The following KLF12 variants were observed in gnomAD, a reference collection of about 807,000 sequenced individuals.
KLF12 encodes Krueppel-like factor 12.
KLF12 carries 9 observed loss-of-function variants against 37.8 expected under a neutral mutation model. The observed-to-expected ratio is 0.24, with a 90% CI of 0.14 to 0.42. The LOEUF is 0.42. KLF12 is among the 10% of genes least tolerant of loss of function. The pLI is 1.00. For missense variants in KLF12, 411 were observed against 516.0 expected (o/e 0.80, Z 1.97); for synonymous variants, 208 against 202.1 (o/e 1.03, Z -0.25).
intron 3 of KLF12, among the ~76,000 whole-genome samples, chr13:73,851,430 C>CT (rs1000384561): frequency 6.6e-6 from 1 of 151,992 alleles, no homozygotes; most frequent in East Asian, 1.9e-4. Flanking sequence ...TCATTTGATA[C>CT]TTTTTTTTCC....
intron 1 of KLF12, among the ~76,000 whole-genome samples, chr13:74,021,705 T>C (rs1402263399): frequency 2.0e-5 from 3 of 152,212 alleles, no homozygotes; most frequent in Non-Finnish European, 2.9e-5. Flanking sequence ...CGCTTGCCAG[T>C]ATGCCACTGG....
chr13:74,191,054 C>A, the KLF12 span, among the ~76,000 whole-genome samples: 6 of 152,184 alleles, frequency 3.9e-5, no homozygotes, highest in Non-Finnish European at 8.8e-5. Context: ...AAGCCAGAAG[C>A]TAGGAGTATC....
chr13:74,142,201 A>G, the KLF12 span, among the ~76,000 whole-genome samples: 5 of 152,214 alleles, frequency 3.3e-5, no homozygotes, highest in Non-Finnish European at 7.3e-5. Flanking sequence ...ACTGAGTTAC[A>G]CAGTCTGCTT....
At chr13:73,839,062 T>TC (rs1884592761) in intron 4 of KLF12, among the ~76,000 whole-genome samples, 1 of 151,418 alleles carries the variant, frequency 6.6e-6, no homozygotes, top group African/African-American at 2.4e-5. Flanking sequence ...TGTTTTTTTC[T>TC]CCCCAGATCT....
At chr13:74,147,607 G>T in the KLF12 span, among the ~76,000 whole-genome samples, 3 of 152,102 alleles carry the variant, frequency 2.0e-5, no homozygotes, top group African/African-American at 7.2e-5. Flanking sequence ...CTTACGTACC[G>T]CCCAGAACTC....
chr13:74,052,184 T>C (rs1404394721), intron 1 of KLF12, among the ~76,000 whole-genome samples: 1 of 152,134 alleles, frequency 6.6e-6, no homozygotes, highest in Non-Finnish European at 1.5e-5. Flanking sequence ...TTCTGAGAAT[T>C]AAACCATAGT....
intron 5 of KLF12, among the ~76,000 whole-genome samples, chr13:73,772,086 C>A (rs1361306832): frequency 6.6e-6 from 1 of 152,218 alleles, no homozygotes; most frequent in African/African-American, 2.4e-5. Context: ...GAGTCGGGAA[C>A]TGGGTCACAG....
chr13:73,776,793 C>CT (rs1163633191), intron 5 of KLF12, among the ~76,000 whole-genome samples: 3 of 152,102 alleles, frequency 2.0e-5, no homozygotes, highest in Admixed American at 1.3e-4. Flanking sequence ...TGGTATGAAT[C>CT]ACTACATCAT....
At chr13:74,066,846 A>G (rs4885148) in intron 1 of KLF12, among the ~76,000 whole-genome samples, 26,002 of 152,076 alleles carry the variant, frequency 0.17, 2,390 homozygotes, top group African/African-American at 0.22. Flanking sequence ...CTAGTAGTCA[A>G]CTCTTAAAAA....
chr13:74,004,949 A>G lies in KLF12; in HGVS notation c.-31-9896T>C, dbSNP rs191767559. Reference sequence around the variant, plus strand: ...ACCTGTGCACAGACAAAAAAAAAAAAGGGAATTTAACTTTCACTTCACAAA... The same window carrying G: ...ACCTGTGCACAGACAAAAAAAAAAAGGGGAATTTAACTTTCACTTCACAAA... On this transcript the variant is annotated intron_variant, in intron 1 of 7. Transcript: ENST00000377669. Among the ~76,000 whole-genome samples the G allele has an allele frequency of 1.6e-3, 246 of 151,988 alleles. 1 individual carries two copies. Among genetic ancestry groups the G allele is most frequent in the African/African-American group, 5.2e-3 (214 of 41,504 alleles).
At chr13:74,263,078 G>A in the KLF12 span, among the ~76,000 whole-genome samples, 42 of 152,210 alleles carry the variant, frequency 2.8e-4, no homozygotes, top group Non-Finnish European at 5.3e-4. Flanking sequence ...TATTCAAATT[G>A]ATGAACATTA....
At chr13:74,205,439 A>G in the KLF12 span, among the ~76,000 whole-genome samples, 1 of 152,130 alleles carries the variant, frequency 6.6e-6, no homozygotes, top group Non-Finnish European at 1.5e-5. Flanking sequence ...GGTTTGGGAG[A>G]GGCTCCTCTT....
At chr13:74,080,696 T>C (rs951690902) in intron 1 of KLF12, among the ~76,000 whole-genome samples, 1 of 152,208 alleles carries the variant, frequency 6.6e-6, no homozygotes, top group Non-Finnish European at 1.5e-5. Flanking sequence ...ATTCCATTAG[T>C]TTCCAACTTG....
At chr13:73,756,720 T>C (rs1368828146) in intron 6 of KLF12, among the ~76,000 whole-genome samples, 1 of 152,108 alleles carries the variant, frequency 6.6e-6, no homozygotes, top group Non-Finnish European at 1.5e-5. Context: ...TACTCCCACC[T>C]CATCTCATCT....
intron 3 of KLF12, among the ~76,000 whole-genome samples, chr13:73,858,728 A>C (rs75623818): frequency 0.045 from 6,925 of 152,258 alleles, 185 homozygotes; most frequent in African/African-American, 0.071. Flanking sequence ...TGAGATTTCC[A>C]TCACTTTTTA....
the KLF12 span, among the ~76,000 whole-genome samples, chr13:74,270,256 T>A: frequency 0.43 from 65,403 of 151,896 alleles, 16,925 homozygotes; most frequent in East Asian, 0.75. Flanking sequence ...ATTTATATGA[T>A]TGAGATGACT....
chr13:73,860,781 ATATAT>A, intron 3 of KLF12, among the ~76,000 whole-genome samples: 1 of 152,290 alleles, frequency 6.6e-6, no homozygotes, highest in South Asian at 2.1e-4. Flanking sequence ...TAAACGGTAA[ATATAT>A]TAACTTATTA....
intron 4 of KLF12, among the ~76,000 whole-genome samples, chr13:73,819,735 A>C (rs1018676673): frequency 1.3e-5 from 2 of 152,216 alleles, no homozygotes; most frequent in Non-Finnish European, 2.9e-5. Context: ...GCATAGTGGC[A>C]GTGGACAATT....
intron 3 of KLF12, among the ~76,000 whole-genome samples, chr13:73,907,656 C>G (rs1410035952): frequency 1.3e-5 from 2 of 152,202 alleles, no homozygotes; most frequent in Admixed American, 1.3e-4. Flanking sequence ...TGAAGAAGGT[C>G]ATCCAGGTGT....
Sources: allele counts gnomAD v4.1 joint callset (sites outside exome capture counted in the v4.1 genomes callset), GRCh38; gene constraint gnomAD v4.1.1; transcripts MANE v1.5; gene names NCBI Gene and HGNC (gene_info 2026-07-23, HGNC 2026-07-21).